NIPAL3: variants seen among roughly 807,000 people sequenced by gnomAD.
NIPAL3 encodes the protein NIPA like domain containing 3.
NIPAL3 carries 41 observed loss-of-function variants against 47.2 expected under a neutral mutation model. The observed-to-expected ratio is 0.87, with a 90% confidence interval of 0.68 to 1.13. The LOEUF is 1.13. Among genes scored for constraint, NIPAL3 ranks in the 50% most tolerant of loss-of-function variants. The probability of loss-of-function intolerance (pLI) is 0.00; values close to 1 mark genes in which losing one functional copy is unlikely to be tolerated. For missense variants in NIPAL3, 449 were observed against 530.1 expected (o/e 0.85, Z 1.50); for synonymous variants, 194 against 209.6 (o/e 0.93, Z 0.64).
At chr1:24,447,269 CA>C (rs1645714470) in intron 5 of NIPAL3, among the ~76,000 whole-genome samples, 2 of 151,942 alleles carry the variant, frequency 1.3e-5, no homozygotes, top group Non-Finnish European at 2.9e-5. Context: ...TGAAATGCAT[CA>C]AAAATAAGAT....
intron 2 of NIPAL3, among the ~76,000 whole-genome samples, chr1:24,437,112 C>G (rs1418639111): frequency 1.3e-5 from 2 of 151,940 alleles, no homozygotes; most frequent in African/African-American, 4.8e-5. Context: ...AATAGCCGGG[C>G]GAGGTGGCGG....
chr1:24,445,183 A>G lies in NIPAL3; in HGVS notation c.335-2A>G, dbSNP rs1287570348. On this transcript the variant is annotated splice_acceptor_variant, in intron 4 of 11. Coordinates refer to ENST00000374399, the MANE Select transcript of NIPAL3 (RefSeq NM_020448.5). LOFTEE classifies it high-confidence loss of function. ...CCCTTTTCTTTGTGCTTCATTTTTC[A>G]GCTAGTGCCATCATAGGAATCATAT... is the stretch of plus-strand genomic sequence containing the variant. 1.9e-6 allele frequency: 3 copies of G among 1,608,288 alleles called. No individual in the cohort carries two copies. The highest frequency in any genetic ancestry group is 2.6e-6 in the Non-Finnish European group (3 of 1,174,948).
Position 24,454,954 on chromosome 1 carries a change from TCTC to T in NIPAL3, c.638-1180_638-1178del, listed in dbSNP as rs775008805. ...GAAGGATCACGGCCCTGAAACATCC[TCTC>T]CTCTTACGTAGGAAGGCCAGAAGGT... On this transcript the variant is annotated intron_variant, in intron 7 of 11. Coordinates refer to ENST00000374399, the MANE Select transcript of NIPAL3 (RefSeq NM_020448.5). This position sits in a 1 kb window ranked among gnomAD's most constrained non-coding sequence, Gnocchi z 4.1. 4.6e-5 allele frequency: 7 copies of T among 152,192 alleles called. No homozygotes were observed. Among genetic ancestry groups the T allele is most frequent in the Non-Finnish European group, 8.8e-5 (6 of 68,052 alleles). The allele number at this position is 152,192 out of a possible 1,614,324, so 9.4% of individuals were successfully genotyped here.
At chr1:24,422,239 G>A (rs1644367945) in intron 2 of NIPAL3, 2 of 152,124 alleles carry the variant, frequency 1.3e-5, no homozygotes, top group Admixed American at 6.6e-5. Flanking sequence ...AAAGCCTGTT[G>A]TTTCCCCTTC....
At chr1:24,422,530 CCCT>C (rs1644381117) in intron 2 of NIPAL3, among the ~76,000 whole-genome samples, 1 of 152,166 alleles carries the variant, frequency 6.6e-6, no homozygotes, top group East Asian at 1.9e-4. Flanking sequence ...CCCTTTTACC[CCCT>C]CGTCTCTACT....
chr1:24,418,984 G>C (rs1644187536), intron 1 of NIPAL3, among the ~76,000 whole-genome samples: 1 of 151,112 alleles, frequency 6.6e-6, no homozygotes, highest in African/African-American at 2.4e-5. Flanking sequence ...AAGAGCTATG[G>C]AAAAAGGGAG....
Position 24,419,627 on chromosome 1 carries a change from C to T in NIPAL3, c.80C>T (p.Ser27Phe). 1 of 1,613,952 alleles carries T rather than the reference C, an allele frequency of 6.2e-7. No individual in the cohort carries two copies. Among genetic ancestry groups the T allele is most frequent in the Non-Finnish European group, 8.5e-7 (1 of 1,179,918 alleles). ...TSSSSAVSEA[S>F]FSYKENLIGA... ...AGCTCCAGCGCCGTAAGCGAGGCCT[C>T]CTTCTCCTACAAGGCAAGGGCTTTT... The change falls in exon 2 of 12, where the codon TCC becomes TTC. Residue 27 changes from serine (S) to phenylalanine (F), a missense_variant. Physicochemically the swap from Ser to Phe is radical, Grantham distance 155. Transcript: ENST00000374399.
chr1:24,450,552 G>A (rs1002918880), intron 6 of NIPAL3, among the ~76,000 whole-genome samples: 8 of 152,272 alleles, frequency 5.3e-5, no homozygotes, highest in African/African-American at 1.2e-4. Flanking sequence ...CTACTGGTAC[G>A]TTCTTGTTCC....
intron 11 of NIPAL3, among the ~76,000 whole-genome samples, chr1:24,467,181 C>T (rs755619496): frequency 3.3e-5 from 5 of 152,088 alleles, no homozygotes; most frequent in East Asian, 1.9e-4. Flanking sequence ...TATGGACTTC[C>T]GGCCAGGCAC....
intron 2 of NIPAL3, among the ~76,000 whole-genome samples, chr1:24,426,737 A>G (rs1427691936): frequency 6.6e-6 from 1 of 152,100 alleles, no homozygotes; most frequent in Non-Finnish European, 1.5e-5. Flanking sequence ...AGCTCCTGAG[A>G]TATTTGCCTG....
At chr1:24,441,782 G>C (rs1457425415) in intron 3 of NIPAL3, among the ~76,000 whole-genome samples, 1 of 152,130 alleles carries the variant, frequency 6.6e-6, no homozygotes. Context: ...ACACCTCTCC[G>C]AGACTGACTC....
intron 4 of NIPAL3, 53 bp downstream of exon 4, chr1:24,442,279 A>C (rs1645433788): frequency 1.3e-6 from 2 of 1,584,890 alleles, no homozygotes; most frequent in African/African-American, 2.7e-5. Context: ...CTGCGTGACC[A>C]GAGTGCCAGC....
rs1645851657 is a variant in NIPAL3 at position 24,449,818 on chromosome 1, T to C, written c.540+192T>C. The stretch of plus-strand genomic sequence containing the variant: ...TGTTTCATTTATGTAATATCAAAAC[T>C]CTACTGGTGGGAGTGTAAATTGGTA... On this transcript the variant is annotated intron_variant, in intron 6 of 11. Transcript: ENST00000374399. This position sits in a 1 kb window ranked among gnomAD's most constrained non-coding sequence, Gnocchi z 4.5. Among the ~76,000 whole-genome samples, 1 of 152,192 alleles carries C rather than the reference T, an allele frequency of 6.6e-6. No individual in the cohort carries two copies. Among genetic ancestry groups the C allele is most frequent in the Non-Finnish European group, 1.5e-5 (1 of 68,032 alleles).
intron 11 of NIPAL3, chr1:24,465,891 C>T (rs1646677484): frequency 1.4e-6 from 2 of 1,394,420 alleles, no homozygotes; most frequent in Non-Finnish European, 1.9e-6. Flanking sequence ...GACCTGGTGG[C>T]AGGTAGAACA....
intron 2 of NIPAL3, among the ~76,000 whole-genome samples, chr1:24,427,113 C>T (rs970923813): frequency 9.9e-5 from 15 of 152,176 alleles, no homozygotes; most frequent in African/African-American, 3.1e-4. Flanking sequence ...AGGCTGCCAG[C>T]GGGGTCCAGA....
At chr1:24,413,533 C>T (rs1643845755), upstream of NIPAL3, 1 of 152,342 alleles carries the variant, frequency 6.6e-6, no homozygotes. Context: ...CCTCGGGGCT[C>T]CACCTAGCTC....
intron 2 of NIPAL3, among the ~76,000 whole-genome samples, chr1:24,428,203 GCATTCCAGCCT>G (rs1307050503): frequency 6.7e-6 from 1 of 149,772 alleles, no homozygotes; most frequent in East Asian, 2.0e-4. Flanking sequence ...TCACGTCACT[GCATTCCAGCCT>G]CATTCCAGCC....
intron 5 of NIPAL3, among the ~76,000 whole-genome samples, chr1:24,447,078 A>T (rs1199693760): frequency 6.6e-6 from 1 of 152,214 alleles, no homozygotes; most frequent in Non-Finnish European, 1.5e-5. Flanking sequence ...TCAGTGAGAC[A>T]TGGAGGACTG....
At chr1:24,459,736 C>G (rs1022684245) in intron 9 of NIPAL3, among the ~76,000 whole-genome samples, 1 of 152,246 alleles carries the variant, frequency 6.6e-6, no homozygotes, top group East Asian at 1.9e-4. Context: ...GGCCATGAGG[C>G]ATTGACCCAG....
Sources: allele counts gnomAD v4.1 joint callset (sites outside exome capture counted in the v4.1 genomes callset), GRCh38; gene constraint gnomAD v4.1.1; non-coding constraint Gnocchi (gnomAD v3.1); transcripts MANE v1.5; gene names NCBI Gene and HGNC (gene_info 2026-07-23, HGNC 2026-07-21).